FREM3: variants seen among roughly 807,000 people sequenced by gnomAD.
FREM3 encodes the protein FRAS1-related extracellular matrix protein 3.
A neutral mutation model predicts 129.1 loss-of-function variants in FREM3; 105 were observed. The ratio of observed to expected loss-of-function variants is 0.81; its 90% CI spans 0.69 to 0.96. The LOEUF (loss-of-function observed/expected upper bound fraction) is 0.96. Among genes scored for constraint, FREM3 ranks in the 40% least tolerant of loss-of-function variants. FREM3 has a pLI of 0.00. For missense variants in FREM3, 2,593 were observed against 2,666.3 expected, an observed-to-expected ratio of 0.97 and a Z score of 0.61; for synonymous variants, 1,014 against 1,044.9, an observed-to-expected ratio of 0.97 and a Z score of 0.57.
At chr4:143,630,484 C>A (rs552831065) in intron 2 of FREM3, among the ~76,000 whole-genome samples, 1 of 152,208 alleles carries the variant, frequency 6.6e-6, no homozygotes, top group Non-Finnish European at 1.5e-5. Flanking sequence ...ATTTTGCCTG[C>A]CCCCATACCA....
intron 7 of FREM3, among the ~76,000 whole-genome samples, chr4:143,581,140 C>T (rs894747311): frequency 6.6e-6 from 1 of 152,194 alleles, no homozygotes; most frequent in Non-Finnish European, 1.5e-5. Flanking sequence ...GAAAACTGCC[C>T]AGACTGTTCT....
intron 2 of FREM3, among the ~76,000 whole-genome samples, chr4:143,661,822 G>A (rs1319998302): frequency 1.3e-5 from 2 of 152,170 alleles, no homozygotes; most frequent in African/African-American, 4.8e-5. Context: ...TCTTGGGAGG[G>A]TGTATGTGTG....
chr4:143,684,729 G>A lies in FREM3; in HGVS notation c.5275+8384C>T, dbSNP rs114048128. On this transcript the variant is annotated intron_variant, in intron 2 of 7. Transcript: ENST00000329798. ...AATCAGGGAGGGACCAGCGGAAGGC[G>A]AAGCCCAATGCAAGGAAATCCAAAA... is the stretch of plus-strand genomic sequence containing the variant. 3.6e-3 allele frequency among the ~76,000 whole-genome samples: 549 copies of A among 152,338 alleles called. 2 individuals are homozygous for A. Among genetic ancestry groups the A allele is most frequent in the Non-Finnish European group, 6.2e-3 (420 of 68,030 alleles).
At chr4:143,675,282 G>C (rs1740094067) in intron 2 of FREM3, among the ~76,000 whole-genome samples, 1 of 152,252 alleles carries the variant, frequency 6.6e-6, no homozygotes, top group South Asian at 2.1e-4. Flanking sequence ...ACCTGCTCCT[G>C]AATGACTACT....
chr4:143,695,506 G>A lies in FREM3; in HGVS notation c.5170C>T (p.Arg1724Ter), dbSNP rs747548089. The A allele has an allele frequency of 9.8e-6, 15 of 1,537,220 alleles. No homozygotes were observed. Among genetic ancestry groups the A allele is most frequent in the South Asian group, 6.0e-5 (5 of 83,980 alleles). ...ACATACTAACCTTGTGTAAACACTCGAGTGCTCTGGTTTCCAAGGCCAGTT... is the reference window on the plus strand; with the variant it reads ...ACATACTAACCTTGTGTAAACACTCAAGTGCTCTGGTTTCCAAGGCCAGTT... ...IKTGLGNQST[R>*]VFTQADIDEM... The change falls in exon 1 of 8, where the codon CGA becomes TGA. Residue 1724 changes from arginine to a stop codon, truncating the protein, a stop_gained. Transcript: ENST00000329798. LOFTEE classifies it high-confidence loss of function.
chr4:143,611,584 A>T, intron 5 of FREM3, 57 bp from the exon 6 acceptor site: 1 of 1,466,524 alleles, frequency 6.8e-7, no homozygotes, highest in Non-Finnish European at 9.1e-7. Context: ...TCCAAACAAG[A>T]AGCCTGTCTG....
At position 143,695,528 on chromosome 4, in the gene FREM3, A is replaced by G; in HGVS notation, c.5148T>C (p.Thr1716=). ...RGPEHGFIIK[T]GLGNQSTRVF... is the part of the protein sequence containing the mutation. ...CTCGAGTGCTCTGGTTTCCAAGGCC[A>G]GTTTTGATAATGAAGCCATGCTCTG... Residue 1716 remains threonine (T), a synonymous_variant, in exon 1 of 8, where the codon ACT becomes ACC. Coordinates refer to ENST00000329798, the MANE Select transcript of FREM3 (RefSeq NM_001168235.2). 6.5e-7 allele frequency: 1 copy of G among 1,537,504 alleles called. No individual in the cohort carries two copies. Among genetic ancestry groups the G allele is most frequent in the Non-Finnish European group, 8.7e-7 (1 of 1,146,956 alleles).
At chr4:143,629,980 G>A (rs1739109297) in intron 2 of FREM3, among the ~76,000 whole-genome samples, 1 of 152,098 alleles carries the variant, frequency 6.6e-6, no homozygotes, top group East Asian at 1.9e-4. Flanking sequence ...ACAGTGAGAA[G>A]GGTTTAACAA....
intron 2 of FREM3, among the ~76,000 whole-genome samples, chr4:143,690,717 G>T (rs1740450019): frequency 6.6e-6 from 1 of 152,170 alleles, no homozygotes; most frequent in Non-Finnish European, 1.5e-5. Flanking sequence ...GTCAGCCACT[G>T]TAAAGCAATG....
intron 5 of FREM3, among the ~76,000 whole-genome samples, chr4:143,612,956 A>G (rs1738787162): frequency 1.3e-5 from 2 of 152,196 alleles, no homozygotes; most frequent in African/African-American, 4.8e-5. Context: ...AGCTATGGTA[A>G]ATGCACATAT....
At chr4:143,641,855 C>T (rs982456839) in intron 2 of FREM3, among the ~76,000 whole-genome samples, 1 of 152,114 alleles carries the variant, frequency 6.6e-6, no homozygotes, top group South Asian at 2.1e-4. Context: ...CCAAAGGGTT[C>T]CACTAAAGCA....
intron 1 of FREM3, 138 bp downstream of exon 1, chr4:143,695,346 TGGAATAG>T: frequency 1.5e-6 from 1 of 654,082 alleles, no homozygotes. Flanking sequence ...TTTTTGTTTT[TGGAATAG>T]TTTCACGCTT....
chr4:143,681,647 A>G (rs1000023954), intron 2 of FREM3, among the ~76,000 whole-genome samples: 2 of 152,210 alleles, frequency 1.3e-5, no homozygotes, highest in African/African-American at 4.8e-5. Context: ...TAAATCCACC[A>G]CATTGTCAAA....
rs1190413806 is a variant in FREM3, at chr4:143,578,342, T to C, written c.6179-490A>G. The stretch of plus-strand genomic sequence containing the variant: ...CCATTCTCTCGGTTGTTATTAATCA[T>C]TTTTTCAAGCTGGTCCACCTCACCG... On this transcript the variant is annotated intron_variant, in intron 7 of 7. Coordinates refer to ENST00000329798, the MANE Select transcript of FREM3 (RefSeq NM_001168235.2). Among the ~76,000 whole-genome samples, 3 of 152,340 alleles carry C rather than the reference T, an allele frequency of 2.0e-5. No homozygotes were observed. In the East Asian group the frequency reaches 5.8e-4, roughly 29 times the overall value.
At chr4:143,637,462 C>T (rs1383720795) in intron 2 of FREM3, among the ~76,000 whole-genome samples, 1 of 152,076 alleles carries the variant, frequency 6.6e-6, no homozygotes, top group Non-Finnish European at 1.5e-5. Context: ...ATTCCCTTCC[C>T]AAATAAGGGT....
At chr4:143,665,305 C>G (rs183250310) in intron 2 of FREM3, among the ~76,000 whole-genome samples, 147 of 152,226 alleles carry the variant, frequency 9.7e-4, no homozygotes, top group African/African-American at 3.5e-3. Flanking sequence ...GTGCCTTACC[C>G]ACTTATTCTC....
chr4:143,639,922 T>A (rs755700872), intron 2 of FREM3, among the ~76,000 whole-genome samples: 12 of 151,996 alleles, frequency 7.9e-5, no homozygotes, highest in Non-Finnish European at 1.6e-4. Flanking sequence ...AAAAAAAAAA[T>A]GTAAAAATAG....
intron 4 of FREM3, 22 bp from the exon 5 acceptor site, chr4:143,621,184 T>C (rs1209787580): frequency 2.3e-5 from 35 of 1,536,084 alleles, no homozygotes; most frequent in Non-Finnish European, 2.8e-5. Flanking sequence ...GGCAGAAGAC[T>C]TTTCACCAAG....
rs1185541975 is a variant in FREM3, at chr4:143,611,148, G to A, written c.6028+131C>T. On this transcript the variant is annotated intron_variant, in intron 6 of 7. Transcript: ENST00000329798. ...CTATGCATTTGAAGAGCTACTCACA[G>A]TTTTTGGAGATAAAAGAACATCAAA... 3.9e-6 allele frequency: 4 copies of A among 1,015,464 alleles called. No individual in the cohort carries two copies. The Admixed American group carries it at 1.1e-4, about 28-fold the overall frequency. 62.9% of individuals were successfully genotyped at this position (1,015,464 alleles called of 1,614,324 possible). A position where few individuals can be genotyped will look rare whatever the true frequency, so the allele number is the denominator to read the frequency against.
Sources: gnomAD v4.1 joint callset for allele counts (sites outside exome capture counted in the v4.1 genomes callset) on GRCh38, gnomAD v4.1.1 for gene constraint, MANE v1.5 for transcripts, NCBI Gene and HGNC (gene_info 2026-07-23, HGNC 2026-07-21) for gene names.